Variants in FSTL4 observed in about 807,000 individuals in gnomAD.
FSTL4 encodes follistatin like 4, also known as follistatin-related protein 4.
In FSTL4, 28 loss-of-function variants were observed where a neutral mutation model predicts 78.2. The ratio of observed to expected loss-of-function variants is 0.36; its 90% CI spans 0.27 to 0.49. The LOEUF (loss-of-function observed/expected upper bound fraction) is 0.49, where lower values mean the gene tolerates loss of function less well. FSTL4 is among the 20% of genes least tolerant of loss of function. FSTL4 has a pLI of 0.98. For missense variants in FSTL4, 922 were observed against 1,084.9 expected (o/e 0.85, Z 2.11); for synonymous variants, 422 against 440.5 (o/e 0.96, Z 0.53).
intron 6 of FSTL4, among the ~76,000 whole-genome samples, chr5:133,272,175 A>G (rs1327756392): frequency 6.6e-6 from 1 of 152,260 alleles, no homozygotes; most frequent in African/African-American, 2.4e-5. Flanking sequence ...AGGAAGCCAG[A>G]ATTCTATTAA....
chr5:133,460,701 G>C (rs1480124808), intron 3 of FSTL4, among the ~76,000 whole-genome samples: 1 of 152,206 alleles, frequency 6.6e-6, no homozygotes, highest in African/African-American at 2.4e-5. Flanking sequence ...GGTCAGGGCA[G>C]GCCTGAATGC....
chr5:133,771,337 C>T, the FSTL4 span, among the ~76,000 whole-genome samples: 5 of 152,064 alleles, frequency 3.3e-5, no homozygotes, highest in African/African-American at 1.2e-4. Context: ...AATATTGATT[C>T]TTCTAATCCA....
chr5:133,403,136 T>C (rs1411457882), intron 3 of FSTL4, among the ~76,000 whole-genome samples: 1 of 152,240 alleles, frequency 6.6e-6, no homozygotes, highest in African/African-American at 2.4e-5. Context: ...TCAGCCTTTG[T>C]TTCTCTCCCA....
At chr5:133,660,531 G>A in the FSTL4 span, among the ~76,000 whole-genome samples, 1 of 152,212 alleles carries the variant, frequency 6.6e-6, no homozygotes, top group African/African-American at 2.4e-5. Flanking sequence ...CCAGATGTGA[G>A]TAAGACCATG....
chr5:133,670,751 G>GTTAA, the FSTL4 span, among the ~76,000 whole-genome samples: 1 of 152,242 alleles, frequency 6.6e-6, no homozygotes. Flanking sequence ...GATCCTGAAT[G>GTTAA]TTAAGCATTA....
At chr5:133,364,511 C>T (rs555518154) in intron 4 of FSTL4, among the ~76,000 whole-genome samples, 1 of 152,368 alleles carries the variant, frequency 6.6e-6, no homozygotes, top group Admixed American at 6.5e-5. Flanking sequence ...CTCCCTGCTC[C>T]TCCTGCAGGA....
intron 3 of FSTL4, among the ~76,000 whole-genome samples, chr5:133,541,884 T>C (rs1459579098): frequency 6.6e-6 from 1 of 150,926 alleles, no homozygotes; most frequent in African/African-American, 2.4e-5. Flanking sequence ...GGAGTATCAC[T>C]GCTTCTGTGC....
chr5:133,317,596 G>A (rs916282601), intron 4 of FSTL4, among the ~76,000 whole-genome samples: 3 of 152,254 alleles, frequency 2.0e-5, no homozygotes, highest in African/African-American at 7.2e-5. Context: ...TTTAGGGCCT[G>A]AGATAATATC....
chr5:133,735,813 G>A, the FSTL4 span, among the ~76,000 whole-genome samples: 29 of 152,170 alleles, frequency 1.9e-4, no homozygotes, highest in Non-Finnish European at 3.2e-4. Flanking sequence ...AGATAAATGT[G>A]TTCCTGAAAA....
upstream of FSTL4, among the ~76,000 whole-genome samples, chr5:133,614,788 T>G (rs1393066031): frequency 6.6e-6 from 1 of 152,162 alleles, no homozygotes. Flanking sequence ...TTCAATAAGC[T>G]TGGAATAGGG....
At chr5:133,282,190 C>T (rs1400229952) in intron 6 of FSTL4, among the ~76,000 whole-genome samples, 1 of 152,054 alleles carries the variant, frequency 6.6e-6, no homozygotes, top group South Asian at 2.1e-4. Flanking sequence ...AAGGAGTTTG[C>T]CCAGAAGATG....
chr5:133,358,057 T>C (rs1754978998), intron 4 of FSTL4, among the ~76,000 whole-genome samples: 1 of 152,210 alleles, frequency 6.6e-6, no homozygotes, highest in African/African-American at 2.4e-5. Flanking sequence ...CCACCTGCTA[T>C]CTGCTCAGCT....
the FSTL4 span, among the ~76,000 whole-genome samples, chr5:133,755,719 T>C: frequency 7.2e-5 from 11 of 152,214 alleles, no homozygotes; most frequent in Non-Finnish European, 1.6e-4. Flanking sequence ...GGAGGACTGT[T>C]TCTTAGCACT....
chr5:133,679,867 G>T, the FSTL4 span, among the ~76,000 whole-genome samples: 1 of 151,908 alleles, frequency 6.6e-6, no homozygotes, highest in Non-Finnish European at 1.5e-5. Flanking sequence ...TCTACCCCTG[G>T]CACTATACCT....
In FSTL4 at chr5:133,563,399, AG is replaced by A. The variant is rs1355188076; in HGVS notation, c.160+3786del. Among the ~76,000 whole-genome samples, 6 of 152,242 alleles carry A rather than the reference AG, an allele frequency of 3.9e-5. No individual in the cohort carries two copies. The East Asian group carries it at 9.6e-4, about 24-fold the overall frequency. On this transcript the variant is annotated intron_variant, in intron 3 of 15. Transcript: ENST00000265342. The stretch of plus-strand genomic sequence containing the variant: ...ACCACCACCCACTAAAGAGAGGTTC[AG>A]GGCATCAGAGAGGCACCAGCCCAGA...
intron 4 of FSTL4, among the ~76,000 whole-genome samples, chr5:133,368,442 C>T (rs772783426): frequency 8.5e-5 from 13 of 152,260 alleles, no homozygotes; most frequent in Non-Finnish European, 1.3e-4. Flanking sequence ...CCCCTCTTCC[C>T]TCTGTTGATC....
the FSTL4 span, among the ~76,000 whole-genome samples, chr5:133,649,194 G>A: frequency 0.24 from 36,549 of 151,998 alleles, 4,341 homozygotes; most frequent in Admixed American, 0.3. Flanking sequence ...TCATGGCTTG[G>A]TAGCTCATTT....
chr5:133,419,409 C>T lies in FSTL4; in HGVS notation c.161-18423G>A, dbSNP rs183519696. Among the ~76,000 whole-genome samples, 352 of 152,254 alleles carry T rather than the reference C, an allele frequency of 2.3e-3. 2 individuals are homozygous for T. Among genetic ancestry groups the T allele is most frequent in the African/African-American group, 8.1e-3 (336 of 41,516 alleles). On this transcript the variant is annotated intron_variant, in intron 3 of 15. Coordinates refer to ENST00000265342, the MANE Select transcript of FSTL4 (RefSeq NM_015082.2). ...CTGGGACTACAGGCGTGAGCCACCA[C>T]ACCCAGCCAGTTCATTCCTTTTTAT...
At chr5:133,223,766 T>G (rs1270327180) in intron 11 of FSTL4, among the ~76,000 whole-genome samples, 1 of 152,222 alleles carries the variant, frequency 6.6e-6, no homozygotes, top group Non-Finnish European at 1.5e-5. Context: ...GGCAGCTTTT[T>G]TCCTCGGGTT....
Sources: allele counts gnomAD v4.1 joint callset (sites outside exome capture counted in the v4.1 genomes callset), GRCh38; gene constraint gnomAD v4.1.1; transcripts MANE v1.5; gene names NCBI Gene and HGNC (gene_info 2026-07-23, HGNC 2026-07-21).